The following CTNND2 variants were observed in gnomAD, a reference collection of about 807,000 sequenced individuals.
The protein encoded by CTNND2 is catenin delta 2.
A neutral mutation model predicts 144.4 loss-of-function variants in CTNND2; 22 were observed. The observed-to-expected ratio is 0.15, with a 90% CI of 0.11 to 0.22. CTNND2 has a LOEUF of 0.22. Among genes scored for constraint, CTNND2 ranks in the 10% least tolerant of loss-of-function variants. The pLI is 1.00. For missense variants in CTNND2, 1,353 were observed against 1,618.8 expected (o/e 0.84, Z 2.82); for synonymous variants, 751 against 695.6 (o/e 1.08, Z -1.25).
intron 3 of CTNND2, among the ~76,000 whole-genome samples, chr5:11,433,253 CA>C (rs1045131681): frequency 1.9e-4 from 29 of 151,150 alleles, no homozygotes; most frequent in African/African-American, 4.4e-4. Flanking sequence ...CTCACACACA[CA>C]AAAAAAAATT....
chr5:11,071,496 T>C, intron 16 of CTNND2, among the ~76,000 whole-genome samples: 1 of 151,942 alleles, frequency 6.6e-6, no homozygotes. Flanking sequence ...GCTGAGATTG[T>C]ACCACTGTAC....
chr5:11,362,444 C>T (rs1436541355), intron 8 of CTNND2, among the ~76,000 whole-genome samples: 1 of 152,168 alleles, frequency 6.6e-6, no homozygotes, highest in Non-Finnish European at 1.5e-5. Flanking sequence ...GGTATAGACA[C>T]AGGGGTAACC....
intron 3 of CTNND2, among the ~76,000 whole-genome samples, chr5:11,464,180 C>A (rs1766460543): frequency 6.6e-6 from 1 of 152,076 alleles, no homozygotes; most frequent in Non-Finnish European, 1.5e-5. Context: ...CAGCAGTGAG[C>A]CAAACAGACA....
intron 2 of CTNND2, among the ~76,000 whole-genome samples, chr5:11,681,325 C>T (rs190580038): frequency 2.6e-5 from 4 of 152,266 alleles, no homozygotes; most frequent in South Asian, 2.1e-4. Flanking sequence ...CAGAAGTACT[C>T]GGATGAATCT....
chr5:11,851,813 G>C (rs1582004329), intron 1 of CTNND2, among the ~76,000 whole-genome samples: 1 of 152,288 alleles, frequency 6.6e-6, no homozygotes, highest in East Asian at 1.9e-4. Context: ...TCTAAGCTTT[G>C]ATTTTCAAAA....
At chr5:11,602,214 T>C (rs1779830008) in intron 2 of CTNND2, among the ~76,000 whole-genome samples, 1 of 152,118 alleles carries the variant, frequency 6.6e-6, no homozygotes. Context: ...CTCATAACAA[T>C]GCAGTAGCAT....
At chr5:11,207,264 A>G (rs1738143492) in intron 10 of CTNND2, among the ~76,000 whole-genome samples, 1 of 152,060 alleles carries the variant, frequency 6.6e-6, no homozygotes, top group South Asian at 2.1e-4. Flanking sequence ...GAGGGATAGC[A>G]TTAGGAGAAA....
chr5:11,736,448 A>C (rs1249475610), intron 1 of CTNND2, among the ~76,000 whole-genome samples: 3 of 152,354 alleles, frequency 2.0e-5, no homozygotes, highest in East Asian at 3.9e-4. Context: ...GACTTGGAAT[A>C]ATTTCCATGA....
chr5:11,716,781 T>A (rs1270391848), intron 2 of CTNND2, among the ~76,000 whole-genome samples: 1 of 151,966 alleles, frequency 6.6e-6, no homozygotes, highest in Non-Finnish European at 1.5e-5. Context: ...CCTCCACCTA[T>A]GTTCAAGCAA....
At chr5:11,075,730 T>C (rs577823492) in intron 16 of CTNND2, among the ~76,000 whole-genome samples, 1 of 152,352 alleles carries the variant, frequency 6.6e-6, no homozygotes, top group African/African-American at 2.4e-5. Context: ...TTGGCAGTGA[T>C]TGAATCACAC....
intron 1 of CTNND2, among the ~76,000 whole-genome samples, chr5:11,762,282 A>T (rs1313737123): frequency 6.6e-6 from 1 of 152,126 alleles, no homozygotes; most frequent in Non-Finnish European, 1.5e-5. Context: ...TGGGAGGGTA[A>T]TGAGGCATAA....
At chr5:11,346,070 G>A (rs1754746224) in intron 9 of CTNND2, among the ~76,000 whole-genome samples, 1 of 151,920 alleles carries the variant, frequency 6.6e-6, no homozygotes, top group South Asian at 2.1e-4. Flanking sequence ...AAATGACATA[G>A]CCTCCAGTCC....
chr5:11,719,623 T>C (rs1786545790), intron 2 of CTNND2, among the ~76,000 whole-genome samples: 1 of 152,204 alleles, frequency 6.6e-6, no homozygotes, highest in African/African-American at 2.4e-5. Context: ...TCCTTAGCGA[T>C]GAAATACTAA....
At chr5:11,789,436 A>G (rs140365600) in intron 1 of CTNND2, among the ~76,000 whole-genome samples, 456 of 152,268 alleles carry the variant, frequency 3.0e-3, no homozygotes, top group Non-Finnish European at 4.8e-3. Flanking sequence ...TATCTCCTAA[A>G]AAGTTTTGCA....
intron 3 of CTNND2, among the ~76,000 whole-genome samples, chr5:11,419,252 A>G (rs1001826046): frequency 6.6e-6 from 1 of 152,110 alleles, no homozygotes; most frequent in African/African-American, 2.4e-5. Context: ...TTATTATGAC[A>G]AAATGTTAAC....
chr5:11,076,080 G>C (rs1748918876), intron 16 of CTNND2, among the ~76,000 whole-genome samples: 1 of 152,206 alleles, frequency 6.6e-6, no homozygotes, highest in African/African-American at 2.4e-5. Context: ...CCTGATGCTT[G>C]CTTATTATTT....
At chr5:11,009,944 G>A (rs942020927) in intron 18 of CTNND2, among the ~76,000 whole-genome samples, 3 of 152,200 alleles carry the variant, frequency 2.0e-5, no homozygotes, top group Non-Finnish European at 4.4e-5. Flanking sequence ...GACCTTCTTT[G>A]TCAATACCAA....
At chr5:11,489,164 G>A (rs915320383) in intron 3 of CTNND2, among the ~76,000 whole-genome samples, 19 of 152,146 alleles carry the variant, frequency 1.2e-4, no homozygotes, top group African/African-American at 3.4e-4. Context: ...GCATTCCCTC[G>A]AGCCATGTAT....
At chr5:11,076,316 T>C (rs1338896814) in intron 16 of CTNND2, among the ~76,000 whole-genome samples, 1 of 152,184 alleles carries the variant, frequency 6.6e-6, no homozygotes, top group Non-Finnish European at 1.5e-5. Flanking sequence ...CTTTAAATGT[T>C]TGGTTTGAGT....
Sources: gnomAD v4.1 joint callset for allele counts (sites outside exome capture counted in the v4.1 genomes callset) on GRCh38, gnomAD v4.1.1 for gene constraint, MANE v1.5 for transcripts, NCBI Gene and HGNC (gene_info 2026-07-23, HGNC 2026-07-21) for gene names.